Variants in GABRB1 observed in about 807,000 individuals in gnomAD.
GABRB1 encodes gamma-aminobutyric acid type A receptor subunit beta1.
Under a neutral mutation model 51.6 loss-of-function variants are expected in GABRB1, and 17 were observed. That is an observed-to-expected ratio of 0.33 (90% CI 0.23 to 0.49). The LOEUF is 0.49. Among genes scored for constraint, GABRB1 ranks in the 20% least tolerant of loss-of-function variants. The pLI is 0.99. For missense variants in GABRB1, 410 were observed against 600.6 expected (o/e 0.68, Z 3.32); for synonymous variants, 247 against 218.9 (o/e 1.13, Z -1.14).
chr4:47,390,626 G>A (rs1012947326), intron 5 of GABRB1, among the ~76,000 whole-genome samples: 1 of 152,156 alleles, frequency 6.6e-6, no homozygotes, highest in Non-Finnish European at 1.5e-5. Flanking sequence ...AAGAGTTCCT[G>A]TATAGTTATT....
chr4:47,135,901 G>A lies in GABRB1; in HGVS notation c.241-25348G>A, dbSNP rs374256670. On this transcript the variant is annotated intron_variant, in intron 3 of 8. Coordinates refer to ENST00000295454, the MANE Select transcript of GABRB1 (RefSeq NM_000812.4). The stretch of plus-strand genomic sequence containing the variant: ...TTTCACCCTTCTAAAAATACTAGAT[G>A]CTTTGTCTGTAATAGCTTCTTCTCT... Among the ~76,000 whole-genome samples the A allele has an allele frequency of 1.3e-4, 20 of 152,170 alleles. No homozygotes were observed. The East Asian group carries it at 1.4e-3, about 10-fold the overall frequency.
chr4:47,206,900 G>C (rs372501760), intron 4 of GABRB1, among the ~76,000 whole-genome samples: 2 of 151,600 alleles, frequency 1.3e-5, no homozygotes, highest in African/African-American at 4.8e-5. Context: ...ATGTATATGT[G>C]TGTGTGTTTA....
intron 3 of GABRB1, among the ~76,000 whole-genome samples, chr4:47,076,647 AAAAAC>A (rs200916587): frequency 6.6e-6 from 1 of 150,776 alleles, no homozygotes; most frequent in Admixed American, 6.6e-5. Context: ...GATTACATGG[AAAAAC>A]AAAACAAAAC....
intron 5 of GABRB1, among the ~76,000 whole-genome samples, chr4:47,331,480 G>A (rs1369284602): frequency 6.6e-6 from 1 of 152,066 alleles, no homozygotes; most frequent in Non-Finnish European, 1.5e-5. Flanking sequence ...TGGGCAAGCG[G>A]CTGTGTAGAT....
At chr4:47,378,716 C>A (rs1727485829) in intron 5 of GABRB1, among the ~76,000 whole-genome samples, 2 of 152,168 alleles carry the variant, frequency 1.3e-5, no homozygotes, top group South Asian at 4.1e-4. Flanking sequence ...AAACTCCTGA[C>A]CTCAGGTGAT....
intron 3 of GABRB1, among the ~76,000 whole-genome samples, chr4:47,099,341 T>A (rs1714618045): frequency 6.6e-6 from 1 of 152,062 alleles, no homozygotes; most frequent in Non-Finnish European, 1.5e-5. Flanking sequence ...TGATTTCCAT[T>A]GTTCCAAAGA....
At chr4:47,389,670 A>G (rs1180361858) in intron 5 of GABRB1, among the ~76,000 whole-genome samples, 1 of 152,190 alleles carries the variant, frequency 6.6e-6, no homozygotes, top group Admixed American at 6.5e-5. Flanking sequence ...TGAGAAAGGA[A>G]CCCAAAGTAG....
chr4:47,392,634 G>A (rs1728041160), intron 5 of GABRB1, among the ~76,000 whole-genome samples: 1 of 152,014 alleles, frequency 6.6e-6, no homozygotes, highest in African/African-American at 2.4e-5. Context: ...GAGCCACCGT[G>A]CCCAGCCTCT....
At position 47,086,496 on chromosome 4, in the gene GABRB1, T is replaced by G. The variant is rs552315060; in HGVS notation, c.240+54012T>G. Among the ~76,000 whole-genome samples, 11 of 152,328 alleles carry G rather than the reference T, an allele frequency of 7.2e-5. No individual in the cohort carries two copies. The East Asian group carries it at 1.7e-3, about 24-fold the overall frequency. Reference sequence around the variant, plus strand: ...CGTGAACACTAGAGAAAGGGCAGTATTATTGCAAATTATTGATGTACAAAT... The same window carrying G: ...CGTGAACACTAGAGAAAGGGCAGTAGTATTGCAAATTATTGATGTACAAAT... On this transcript the variant is annotated intron_variant, in intron 3 of 8. Coordinates refer to ENST00000295454, the MANE Select transcript of GABRB1 (RefSeq NM_000812.4).
chr4:47,368,550 T>C (rs1437750199), intron 5 of GABRB1, among the ~76,000 whole-genome samples: 1 of 152,134 alleles, frequency 6.6e-6, no homozygotes, highest in Non-Finnish European at 1.5e-5. Context: ...CTAATGGTGA[T>C]AACACTAAGA....
intron 4 of GABRB1, among the ~76,000 whole-genome samples, chr4:47,194,987 C>T (rs551655710): frequency 2.0e-5 from 3 of 152,240 alleles, no homozygotes; most frequent in African/African-American, 7.2e-5. Context: ...GTTACAGGTC[C>T]TGAAGTGGAG....
At chr4:47,304,432 T>C (rs1724374885) in intron 4 of GABRB1, among the ~76,000 whole-genome samples, 2 of 152,138 alleles carry the variant, frequency 1.3e-5, no homozygotes, top group South Asian at 2.1e-4. Context: ...GTATGTCTGC[T>C]TTTGAGAAGT....
intron 3 of GABRB1, among the ~76,000 whole-genome samples, chr4:47,033,783 TC>T (rs1725438476): frequency 6.6e-6 from 1 of 152,240 alleles, no homozygotes; most frequent in Non-Finnish European, 1.5e-5. Flanking sequence ...TTGTAGCGGC[TC>T]CTGCTTCAAA....
At chr4:47,184,321 G>A (rs535703483) in intron 4 of GABRB1, among the ~76,000 whole-genome samples, 10 of 151,966 alleles carry the variant, frequency 6.6e-5, no homozygotes, top group South Asian at 6.2e-4. Flanking sequence ...CCAGATTACC[G>A]AGGACAAAGG....
intron 3 of GABRB1, among the ~76,000 whole-genome samples, chr4:47,148,839 C>A (rs1224252656): frequency 6.6e-6 from 1 of 151,880 alleles, no homozygotes. Context: ...ACTGGAAAAT[C>A]TACCCACGAA....
intron 3 of GABRB1, among the ~76,000 whole-genome samples, chr4:47,074,123 G>A (rs539171355): frequency 3.9e-5 from 6 of 152,030 alleles, no homozygotes; most frequent in Admixed American, 3.3e-4. Flanking sequence ...ATTTTAAATG[G>A]TATCTTAACC....
chr4:47,058,707 T>C (rs1308384784), intron 3 of GABRB1, among the ~76,000 whole-genome samples: 2 of 152,186 alleles, frequency 1.3e-5, no homozygotes, highest in African/African-American at 4.8e-5. Flanking sequence ...GTTTTACATA[T>C]TGCAGTTCCC....
Position 47,129,628 on chromosome 4 carries a change from T to A in GABRB1, c.241-31621T>A, listed in dbSNP as rs1716322309. On this transcript the variant is annotated intron_variant, in intron 3 of 8. Transcript: ENST00000295454. Reference sequence around the variant, plus strand: ...AAATAGTTAATTAATGGCCATAAACTATGTGTTGCAATGGGAGTCACCATC... The same window carrying A: ...AAATAGTTAATTAATGGCCATAAACAATGTGTTGCAATGGGAGTCACCATC... Among the ~76,000 whole-genome samples the A allele has an allele frequency of 1.3e-5, 2 of 152,208 alleles. 1 individual carries two copies. Among genetic ancestry groups the A allele is most frequent in the South Asian group, 4.1e-4 (2 of 4,832 alleles).
intron 5 of GABRB1, among the ~76,000 whole-genome samples, chr4:47,394,092 A>T (rs1728098914): frequency 6.6e-6 from 1 of 152,216 alleles, no homozygotes; most frequent in African/African-American, 2.4e-5. Flanking sequence ...CAAAGACCTC[A>T]TGTTAGAGTG....
Sources: gnomAD v4.1 joint callset for allele counts (sites outside exome capture counted in the v4.1 genomes callset) on GRCh38, gnomAD v4.1.1 for gene constraint, MANE v1.5 for transcripts, NCBI Gene and HGNC (gene_info 2026-07-23, HGNC 2026-07-21) for gene names.